Variants in RNF167 observed in about 807,000 individuals in gnomAD.
RNF167 encodes the protein ring finger protein 167.
RNF167 carries 19 observed loss-of-function variants against 34.8 expected under a neutral mutation model. The observed-to-expected ratio is 0.55, with a 90% CI of 0.38 to 0.80. RNF167 has a LOEUF of 0.80. RNF167 is among the 30% of genes least tolerant of loss of function. RNF167 has a pLI of 0.00. For missense variants in RNF167, 464 were observed against 447.0 expected (o/e 1.04, Z -0.34); for synonymous variants, 200 against 170.4 (o/e 1.17, Z -1.35).
At position 4,944,757 on chromosome 17, in the gene RNF167, G is replaced by A. The variant is rs200025474; in HGVS notation, c.794G>A (p.Arg265Gln). ...RCVDPWLTQT[R>Q]KTCPICKQPV... ...GTGGACCCCTGGCTCACTCAGACCC[G>A]GAAGACCTGCCCCATTTGCAAGCAG... Residue 265 changes from arginine to glutamine, a missense_variant, in exon 10 of 10, where the codon CGG becomes CAG. Physicochemically the swap from Arg to Gln is conservative, Grantham distance 43. Transcript: ENST00000262482. The A allele has an allele frequency of 1.6e-5, 26 of 1,613,088 alleles. No individual in the cohort carries two copies. The highest frequency in any genetic ancestry group is 9.4e-5 in the African/African-American group (7 of 74,850).
chr17:4,942,198 TG>T, intron 3 of RNF167, 142 bp from the exon 4 acceptor site: 1 of 895,836 alleles, frequency 1.1e-6, no homozygotes, highest in Non-Finnish European at 1.7e-6. Context: ...GTTGTGATGG[TG>T]GGATGCTCAC....
At position 4,944,699 on chromosome 17, in the gene RNF167, T is replaced by A. The variant is rs1327043638; in HGVS notation, c.752-16T>A. 5 of 1,614,128 alleles carry A rather than the reference T, an allele frequency of 3.1e-6. No homozygotes were observed. The Admixed American group carries it at 5.0e-5, about 16-fold the overall frequency. ...ACCAGCAGCCACCAGGTGCTTCACC[T>A]TGTTCCTCTCTGCAGCCTACCACAG... is the stretch of plus-strand genomic sequence containing the variant. On this transcript the variant is annotated splice_polypyrimidine_tract_variant and intron_variant, in intron 9 of 9. Transcript: ENST00000262482.
Position 4,942,151 on chromosome 17 carries a change from G to A in RNF167, c.166-190G>A, listed in dbSNP as rs563541475. ...TGATGGGAGAGTTTGGTGAAGGGAT[G>A]TTTTATGTCATTGCCTTTTCAAGAG... is the stretch of plus-strand genomic sequence containing the variant. On this transcript the variant is annotated intron_variant, in intron 3 of 9. Coordinates refer to ENST00000262482, the MANE Select transcript of RNF167 (RefSeq NM_015528.3). 4.6e-5 allele frequency among the ~76,000 whole-genome samples: 7 copies of A among 152,270 alleles called. No homozygotes were observed. In the South Asian group the frequency reaches 8.3e-4, roughly 18 times the overall value.
chr17:4,944,055 C>T (rs1597674625), intron 8 of RNF167, among the ~76,000 whole-genome samples: 2 of 151,910 alleles, frequency 1.3e-5, no homozygotes, highest in South Asian at 2.1e-4. Flanking sequence ...GCTGTCTTTT[C>T]TTCTGTTTTT....
rs145914682 is a variant in RNF167, at chr17:4,942,890, T to C, written c.419T>C (p.Ile140Thr). The C allele has an allele frequency of 5.1e-5, 83 of 1,614,210 alleles. No homozygotes were observed. In the Admixed American group the frequency reaches 6.0e-4, roughly 12 times the overall value. ...CAGATCTGGATCCCGTCTGTATTTA[T>C]TGGGGAGAGAAGCTCCGAGTACCTG... ...QQQIWIPSVF[I>T]GERSSEYLRA... The change falls in exon 6 of 10, where the codon ATT (isoleucine) becomes ACT (threonine). Residue 140 changes from isoleucine to threonine, a missense_variant. By Grantham distance (89) the Ile-to-Thr change is moderately conservative (BLOSUM62 -1). Transcript: ENST00000262482.
chr17:4,944,734 G>C lies in RNF167; in HGVS notation c.771G>C (p.Val257=). 8 of 1,613,966 alleles carry C rather than the reference G, an allele frequency of 5.0e-6. No homozygotes were observed. The highest frequency in any genetic ancestry group is 1.7e-5 in the Admixed American group (1 of 59,984). The change falls in exon 10 of 10, where the codon GTG becomes GTC. Residue 257 remains valine (V), a synonymous_variant. Coordinates refer to ENST00000262482, the MANE Select transcript of RNF167 (RefSeq NM_015528.3). ...CTGCAGCCTACCACAGCCGCTGCGT[G>C]GACCCCTGGCTCACTCAGACCCGGA... is the stretch of plus-strand genomic sequence containing the variant. ...PCAHAYHSRC[V]DPWLTQTRKT... is the part of the protein sequence containing the mutation.
rs760779651 is a variant in RNF167, at chr17:4,940,894, C to T, written c.-16C>T. On this transcript the variant is annotated 5_prime_UTR_variant, in exon 2 of 10. Transcript: ENST00000262482. Reference sequence around the variant, plus strand: ...CCAGGACGCGCGGCCTCCTCAGCCTCTTTCCTCCCGCTGCCATGCACCCTG... The same window carrying T: ...CCAGGACGCGCGGCCTCCTCAGCCTTTTTCCTCCCGCTGCCATGCACCCTG... 19 of 1,567,776 alleles carry T rather than the reference C, an allele frequency of 1.2e-5. No individual in the cohort carries two copies. The highest frequency in any genetic ancestry group is 1.6e-5 in the Non-Finnish European group (18 of 1,155,154).
At position 4,944,901 on chromosome 17, in the gene RNF167, C is replaced by G. The variant is rs1353036806; in HGVS notation, c.938C>G (p.Ser313Cys). 2.5e-6 allele frequency: 4 copies of G among 1,613,968 alleles called. No individual in the cohort carries two copies. Among genetic ancestry groups the G allele is most frequent in the South Asian group, 1.1e-5 (1 of 91,066 alleles). ...TCAGAAAGGACCCCACTTTTGGGTT[C>G]TAGCCCCACTCTTCCCACCTCCTTT... ...PASERTPLLG[S>C]SPTLPTSFGS... The change falls in exon 10 of 10, where the codon TCT (serine) becomes TGT (cysteine). Residue 313 changes from serine (S) to cysteine (C), a missense_variant. Transcript: ENST00000262482.
In RNF167 at chr17:4,945,194, G is replaced by C; in HGVS notation, c.*178G>C. ...GAGGGACTGGGTCTTCACTTCTTGGGCTAATAAAATTGTTTCTTTGTGGAC... is the reference window on the plus strand; with the variant it reads ...GAGGGACTGGGTCTTCACTTCTTGGCCTAATAAAATTGTTTCTTTGTGGAC... On this transcript the variant is annotated 3_prime_UTR_variant, in exon 10 of 10. Coordinates refer to ENST00000262482, the MANE Select transcript of RNF167 (RefSeq NM_015528.3). 1 of 536,742 alleles carries C rather than the reference G, an allele frequency of 1.9e-6. No individual in the cohort carries two copies. Among genetic ancestry groups the C allele is most frequent in the South Asian group, 3.1e-5 (1 of 31,778 alleles). 33.2% of individuals were successfully genotyped at this position (536,742 alleles called of 1,614,324 possible).
At chr17:4,943,072 C>A in intron 6 of RNF167, 107 bp from the exon 7 acceptor site, 1 of 1,298,936 alleles carries the variant, frequency 7.7e-7, no homozygotes, top group Non-Finnish European at 1.1e-6. Flanking sequence ...ACTTTCTTCC[C>A]ATTCCTGTCC....
In RNF167 at chr17:4,943,249, G is replaced by A. The variant is rs753337789; in HGVS notation, c.541G>A (p.Val181Met). The change falls in exon 7 of 10, where the codon GTG becomes ATG. Residue 181 changes from valine to methionine, a missense_variant. Transcript: ENST00000262482. The part of the protein sequence containing the change: ...GYYLIPFTGI[V>M]GLLVLAMGAV... ...TTACCTCATCCCTTTCACAGGGATT[G>A]TGGGACTGCTGGTTTTGGCCATGGG... 1.2e-6 allele frequency: 2 copies of A among 1,614,034 alleles called. No individual in the cohort carries two copies. The highest frequency in any genetic ancestry group is 2.7e-5 in the African/African-American group (2 of 74,916).
chr17:4,942,437 C>G lies in RNF167; in HGVS notation c.262C>G (p.Arg88Gly). ...TGGGTCAGTCTTTATTGCGCTGCTT[C>G]GAAGATTCGACTGCAACTTTGACCT... ...VNGSVFIALL[R>G]RFDCNFDLKV... Residue 88 changes from arginine (R) to glycine (G), a missense_variant, in exon 4 of 10, where the codon CGA becomes GGA. Transcript: ENST00000262482. 1 of 1,614,086 alleles carries G rather than the reference C, an allele frequency of 6.2e-7. No homozygotes were observed. The highest frequency in any genetic ancestry group is 8.5e-7 in the Non-Finnish European group (1 of 1,180,024).
chr17:4,943,811 T>C (rs942746554), intron 8 of RNF167, among the ~76,000 whole-genome samples: 2 of 152,156 alleles, frequency 1.3e-5, no homozygotes, highest in Non-Finnish European at 2.9e-5. Context: ...CTGGGCAATG[T>C]GGTGAGACCC....
In RNF167 at chr17:4,942,325, T is replaced by C. The variant is rs757340408; in HGVS notation, c.166-16T>C. 2.5e-6 allele frequency: 4 copies of C among 1,612,334 alleles called. No individual in the cohort carries two copies. Among genetic ancestry groups the C allele is most frequent in the Non-Finnish European group, 3.4e-6 (4 of 1,179,732 alleles). ...AGAAAGGAGAAATCTCACTGTTGTT[T>C]GCTTCCATCCTTCAGGGGTTCCTTG... On this transcript the variant is annotated splice_polypyrimidine_tract_variant and intron_variant, in intron 3 of 9. Coordinates refer to ENST00000262482, the MANE Select transcript of RNF167 (RefSeq NM_015528.3).
At position 4,945,002 on chromosome 17, in the gene RNF167, GTTATCC is replaced by G. The variant is rs1567663412; in HGVS notation, c.1041_1046del (p.Ile348_Leu349del). On this transcript the variant is annotated inframe_deletion, in exon 10 of 10. Coordinates refer to ENST00000262482, the MANE Select transcript of RNF167 (RefSeq NM_015528.3). ...CCCACTGTCCCCTCCCTCTTCCCCT[GTTATCC>G]TGGTCTAATAACCCCCCACACATAC... The G allele has an allele frequency of 1.3e-6, 2 of 1,548,566 alleles. No homozygotes were observed. The highest frequency in any genetic ancestry group is 4.0e-5 in the Admixed American group (2 of 49,820).
rs1437900742 is a variant in RNF167, at chr17:4,944,715, C to T, written c.752C>T (p.Ala251Val). 1.2e-6 allele frequency: 2 copies of T among 1,613,982 alleles called. No homozygotes were observed. The highest frequency in any genetic ancestry group is 2.7e-5 in the African/African-American group (2 of 74,880). ...DKLRVLPCAH[A>V]YHSRCVDPWL... ...TGCTTCACCTTGTTCCTCTCTGCAG[C>T]CTACCACAGCCGCTGCGTGGACCCC... Residue 251 changes from alanine to valine, a missense_variant and splice_region_variant, in exon 10 of 10, where the codon GCC becomes GTC. Coordinates refer to ENST00000262482, the MANE Select transcript of RNF167 (RefSeq NM_015528.3).
intron 8 of RNF167, among the ~76,000 whole-genome samples, chr17:4,944,111 T>C (rs1323450197): frequency 6.6e-6 from 1 of 152,212 alleles, no homozygotes; most frequent in Non-Finnish European, 1.5e-5. Context: ...AAAGCAAAGA[T>C]GATTAAGTGA....
In RNF167 at chr17:4,940,937, G is replaced by A; in HGVS notation, c.28G>A (p.Val10Met). MHPAAFPLP[V>M]VVAAVLWGAA... ...GCACCCTGCAGCCTTCCCGCTTCCT[G>A]TGGTTGTGGCCGCTGTGCTGTGGGG... is the stretch of plus-strand genomic sequence containing the variant. The change falls in exon 2 of 10, where the codon GTG becomes ATG. Residue 10 changes from valine to methionine, a missense_variant. By Grantham distance (21) the Val-to-Met change is conservative. Transcript: ENST00000262482. The A allele has an allele frequency of 6.2e-7, 1 of 1,609,860 alleles. No individual in the cohort carries two copies. The highest frequency in any genetic ancestry group is 8.5e-7 in the Non-Finnish European group (1 of 1,177,260).
intron 3 of RNF167, 79 bp from the exon 4 acceptor site, chr17:4,942,262 G>A: frequency 6.6e-7 from 1 of 1,514,166 alleles, no homozygotes; most frequent in Non-Finnish European, 9.0e-7. Context: ...CAGCATGTGG[G>A]CTGGTGTGTT....
Sources: gnomAD v4.1 joint callset for allele counts (sites outside exome capture counted in the v4.1 genomes callset) on GRCh38, gnomAD v4.1.1 for gene constraint, MANE v1.5 for transcripts, NCBI Gene and HGNC (gene_info 2026-07-23, HGNC 2026-07-21) for gene names.